Variants in CNTNAP5 observed in about 807,000 individuals in gnomAD.
CNTNAP5 encodes the protein contactin-associated protein-like 5.
In CNTNAP5, 72 loss-of-function variants were observed where a neutral mutation model predicts 150.2. The ratio of observed to expected loss-of-function variants is 0.48; its 90% CI spans 0.40 to 0.58. CNTNAP5 has a LOEUF of 0.58. Among genes scored for constraint, CNTNAP5 ranks in the 20% least tolerant of loss-of-function variants. CNTNAP5 has a pLI of 0.00. For missense variants in CNTNAP5, 1,636 were observed against 1,626.2 expected (o/e 1.01, Z -0.10); for synonymous variants, 672 against 619.8 (o/e 1.08, Z -1.25).
chr2:124,887,548 C>CTGTG (rs1287161070), intron 21 of CNTNAP5, among the ~76,000 whole-genome samples: 1 of 152,076 alleles, frequency 6.6e-6, no homozygotes, highest in Non-Finnish European at 1.5e-5. Context: ...GATTAAATAG[C>CTGTG]TGTGTATGTA....
At chr2:124,845,594 A>G (rs1683032615) in intron 19 of CNTNAP5, among the ~76,000 whole-genome samples, 1 of 152,136 alleles carries the variant, frequency 6.6e-6, no homozygotes, top group African/African-American at 2.4e-5. Context: ...GATAGAATTA[A>G]ACTGTGAATC....
At chr2:124,080,451 T>C (rs1363997713) in intron 1 of CNTNAP5, among the ~76,000 whole-genome samples, 1 of 152,222 alleles carries the variant, frequency 6.6e-6, no homozygotes, top group Non-Finnish European at 1.5e-5. Flanking sequence ...GAAAGAACAC[T>C]GTAACTCAGG....
intron 19 of CNTNAP5, among the ~76,000 whole-genome samples, chr2:124,811,866 C>T (rs1434817112): frequency 2.1e-5 from 3 of 145,606 alleles, no homozygotes; most frequent in South Asian, 2.1e-4. Context: ...CGCTTGAACC[C>T]GGGAGGCAGA....
chr2:124,629,773 G>GTTTT lies in CNTNAP5; in HGVS notation c.1877-17973_1877-17970dup, dbSNP rs771169353. ...CAAATAATCAATGGATCCAGGAGCTGTTTTTTTTTTTTTTTGAAAAAACCA... is the reference window on the plus strand; with the variant it reads ...CAAATAATCAATGGATCCAGGAGCTGTTTTTTTTTTTTTTTTTTTGAAAAAACCA... On this transcript the variant is annotated intron_variant, in intron 12 of 23. Coordinates refer to ENST00000682447, the MANE Select transcript of CNTNAP5 (RefSeq NM_001367498.1). Among the ~76,000 whole-genome samples, 56 of 130,932 alleles carry GTTTT rather than the reference G, an allele frequency of 4.3e-4. No homozygotes were observed. The South Asian group carries it at 4.3e-3, about 10-fold the overall frequency. 85.9% of individuals were successfully genotyped at this position (130,932 alleles called of 152,430 possible).
intron 3 of CNTNAP5, among the ~76,000 whole-genome samples, chr2:124,404,571 G>C (rs569381019): frequency 6.6e-6 from 1 of 152,304 alleles, no homozygotes; most frequent in East Asian, 1.9e-4. Flanking sequence ...TAACCAAACA[G>C]TGTTGAACAC....
chr2:124,310,057 C>CTTTTTTTTT (rs68193263), intron 3 of CNTNAP5, among the ~76,000 whole-genome samples: 1 of 144,654 alleles, frequency 6.9e-6, no homozygotes. Context: ...AATCTCTTAC[C>CTTTTTTTTT]TTTTTTTTTT....
At chr2:124,792,695 C>T (rs139700457) in intron 18 of CNTNAP5, among the ~76,000 whole-genome samples, 1,842 of 152,274 alleles carry the variant, frequency 0.012, 17 homozygotes, top group Middle Eastern at 0.02. Context: ...TTACCTCTTC[C>T]CGTGTCCCTG....
chr2:124,039,297 G>T (rs1484972770), intron 1 of CNTNAP5, among the ~76,000 whole-genome samples: 1 of 152,108 alleles, frequency 6.6e-6, no homozygotes, highest in African/African-American at 2.4e-5. Context: ...TGATTAAATT[G>T]CCCATATATA....
chr2:124,171,295 G>T (rs762992782), intron 1 of CNTNAP5, among the ~76,000 whole-genome samples: 3 of 152,174 alleles, frequency 2.0e-5, no homozygotes, highest in Non-Finnish European at 2.9e-5. Flanking sequence ...TATATTTTCT[G>T]CTAGATATTG....
At chr2:124,396,275 A>G (rs1691240945) in intron 3 of CNTNAP5, among the ~76,000 whole-genome samples, 1 of 152,196 alleles carries the variant, frequency 6.6e-6, no homozygotes, top group Non-Finnish European at 1.5e-5. Context: ...CAAAGTATAA[A>G]CAGGGCCTGA....
intron 13 of CNTNAP5, among the ~76,000 whole-genome samples, chr2:124,692,587 A>G (rs1268586553): frequency 1.3e-5 from 2 of 152,154 alleles, no homozygotes; most frequent in East Asian, 1.9e-4. Context: ...ATATGAGGTC[A>G]GGCCTTAATG....
At chr2:124,291,316 GAT>G (rs1573894726) in intron 3 of CNTNAP5, among the ~76,000 whole-genome samples, 1 of 151,796 alleles carries the variant, frequency 6.6e-6, no homozygotes, top group East Asian at 1.9e-4. Flanking sequence ...TATTTTCACT[GAT>G]ATAATTATAT....
chr2:124,913,050 A>T (rs566706168), intron 23 of CNTNAP5, among the ~76,000 whole-genome samples: 2 of 152,226 alleles, frequency 1.3e-5, no homozygotes, highest in South Asian at 4.1e-4. Context: ...TTCTAAAAAA[A>T]ATTGGTGGAA....
chr2:124,378,782 C>G (rs1042748317), intron 3 of CNTNAP5, among the ~76,000 whole-genome samples: 2 of 151,968 alleles, frequency 1.3e-5, no homozygotes, highest in Non-Finnish European at 2.9e-5. Flanking sequence ...ATGCTCGTAT[C>G]GAGGTATTGC....
intron 6 of CNTNAP5, among the ~76,000 whole-genome samples, chr2:124,452,801 G>A (rs918849646): frequency 6.6e-6 from 1 of 152,096 alleles, no homozygotes; most frequent in Admixed American, 6.5e-5. Context: ...TGGCTCTCAG[G>A]AAGCCACATC....
Position 124,914,236 on chromosome 2 carries a change from A to C in CNTNAP5, c.3872A>C (p.Glu1291Ala), listed in dbSNP as rs1447635719. Residue 1291 changes from glutamate to alanine, a missense_variant, in exon 24 of 24, where the codon GAA becomes GCA. Coordinates refer to ENST00000682447, the MANE Select transcript of CNTNAP5 (RefSeq NM_001367498.1). ...PENLDSSFRN[E>A]IDLQNTVSEC... is the part of the protein sequence containing the mutation. ...AATTTGGACAGTTCCTTCAGAAATGAAATTGACTTGCAAAACACAGTGAGC... is the reference window on the plus strand; with the variant it reads ...AATTTGGACAGTTCCTTCAGAAATGCAATTGACTTGCAAAACACAGTGAGC... 1 of 1,612,608 alleles carries C rather than the reference A, an allele frequency of 6.2e-7. No homozygotes were observed. The highest frequency in any genetic ancestry group is 8.5e-7 in the Non-Finnish European group (1 of 1,179,064).
At chr2:124,487,455 C>A (rs1278517765) in intron 7 of CNTNAP5, among the ~76,000 whole-genome samples, 1 of 152,076 alleles carries the variant, frequency 6.6e-6, no homozygotes, top group Non-Finnish European at 1.5e-5. Flanking sequence ...TGAAACCCAC[C>A]ATTTACTTCA....
At chr2:124,771,400 A>T (rs1236367379) in intron 16 of CNTNAP5, among the ~76,000 whole-genome samples, 1 of 152,096 alleles carries the variant, frequency 6.6e-6, no homozygotes, top group Non-Finnish European at 1.5e-5. Flanking sequence ...AAGACAATAT[A>T]CTCAACAGAG....
intron 3 of CNTNAP5, among the ~76,000 whole-genome samples, chr2:124,409,694 A>G (rs1182472030): frequency 7.0e-6 from 1 of 143,108 alleles, no homozygotes; most frequent in African/African-American, 2.6e-5. Context: ...TTTTGTCACC[A>G]CCAGGCCTGC....
Sources: gnomAD v4.1 joint callset for allele counts (sites outside exome capture counted in the v4.1 genomes callset) on GRCh38, gnomAD v4.1.1 for gene constraint, MANE v1.5 for transcripts, NCBI Gene and HGNC (gene_info 2026-07-23, HGNC 2026-07-21) for gene names.